Variants in EPHX4 observed in about 807,000 individuals in gnomAD.
EPHX4 encodes the protein epoxide hydrolase 4.
In EPHX4, 31 loss-of-function variants were observed where a neutral mutation model predicts 44.9. The observed-to-expected ratio is 0.69, with a 90% CI of 0.52 to 0.93. The LOEUF (loss-of-function observed/expected upper bound fraction) is 0.93. EPHX4 is among the 40% of genes least tolerant of loss of function. EPHX4 has a pLI of 0.00. For synonymous variants in EPHX4, 151 were observed against 159.7 expected, an observed-to-expected ratio of 0.95 and a Z score of 0.41; for missense variants, 373 against 438.1, an observed-to-expected ratio of 0.85 and a Z score of 1.33.
chr1:92,050,025 G>C (rs1647222234), intron 4 of EPHX4, among the ~76,000 whole-genome samples: 1 of 152,040 alleles, frequency 6.6e-6, no homozygotes, highest in South Asian at 2.1e-4. Context: ...CTTGAACCCA[G>C]GAGGCAGAGG....
At chr1:92,036,606 C>A (rs1688441425) in intron 2 of EPHX4, among the ~76,000 whole-genome samples, 1 of 152,170 alleles carries the variant, frequency 6.6e-6, no homozygotes, top group Admixed American at 6.5e-5. Flanking sequence ...ATGTGAAGAT[C>A]ATAGACAGGC....
chr1:92,061,834 A>C (rs556985676), intron 6 of EPHX4, among the ~76,000 whole-genome samples: 1 of 152,234 alleles, frequency 6.6e-6, no homozygotes, highest in African/African-American at 2.4e-5. Context: ...AAGAATATGC[A>C]TAGAAAATGC....
intron 3 of EPHX4, among the ~76,000 whole-genome samples, chr1:92,045,169 T>TG (rs1039619429): frequency 6.6e-6 from 1 of 151,922 alleles, no homozygotes; most frequent in African/African-American, 2.4e-5. Context: ...GTGTGTGTGT[T>TG]GGGGGGAGGT....
rs189204869 is a variant in EPHX4, at chr1:92,053,527, G to T, written c.857+869G>T. Among the ~76,000 whole-genome samples, 3 of 152,162 alleles carry T rather than the reference G, an allele frequency of 2.0e-5. No homozygotes were observed. In the East Asian group the frequency reaches 5.8e-4, roughly 29 times the overall value. ...GTCATAGTGCAGAGAATGTATTAGAGAATTTTCAGAGTAAATGTGGGAAAA... is the reference window on the plus strand; with the variant it reads ...GTCATAGTGCAGAGAATGTATTAGATAATTTTCAGAGTAAATGTGGGAAAA... On this transcript the variant is annotated intron_variant, in intron 6 of 6. Coordinates refer to ENST00000370383, the MANE Select transcript of EPHX4 (RefSeq NM_173567.5).
At chr1:92,036,230 C>T (rs1033269162) in intron 2 of EPHX4, among the ~76,000 whole-genome samples, 3 of 152,302 alleles carry the variant, frequency 2.0e-5, no homozygotes, top group Non-Finnish European at 2.9e-5. Context: ...CACCTCTTTA[C>T]GTGCAGAACA....
intron 6 of EPHX4, among the ~76,000 whole-genome samples, chr1:92,056,342 A>G (rs1165885701): frequency 6.6e-6 from 1 of 152,168 alleles, no homozygotes; most frequent in Non-Finnish European, 1.5e-5. Context: ...CAAAATTTGG[A>G]ACTGAGGAAC....
chr1:92,030,994 A>G (rs1039523295), intron 1 of EPHX4, among the ~76,000 whole-genome samples: 2 of 152,196 alleles, frequency 1.3e-5, no homozygotes, highest in African/African-American at 4.8e-5. Flanking sequence ...CTGAGGCTCC[A>G]GGTGGTGAAG....
In EPHX4 at chr1:92,030,075, T is replaced by A; in HGVS notation, c.-5T>A. 1 of 1,586,050 alleles carries A rather than the reference T, an allele frequency of 6.3e-7. No individual in the cohort carries two copies. The highest frequency in any genetic ancestry group is 8.6e-7 in the Non-Finnish European group (1 of 1,168,784). ...AAGGGCAGTGGGCCCCGCCGCCGCC[T>A]CCCAATGGCGAGGCTGCGGGATTGC... On this transcript the variant is annotated 5_prime_UTR_variant, in exon 1 of 7. Coordinates refer to ENST00000370383, the MANE Select transcript of EPHX4 (RefSeq NM_173567.5).
chr1:92,032,638 T>C (rs778169303), intron 2 of EPHX4, 48 bp downstream of exon 2: 1 of 1,466,374 alleles, frequency 6.8e-7, no homozygotes, highest in East Asian at 2.3e-5. Flanking sequence ...CTTGGCTTAT[T>C]TTCTCAGTTC....
At chr1:92,046,171 T>A (rs914430226) in intron 4 of EPHX4, among the ~76,000 whole-genome samples, 4 of 152,222 alleles carry the variant, frequency 2.6e-5, no homozygotes, top group Admixed American at 2.6e-4. Flanking sequence ...TATATGTTAA[T>A]TCATCAAAAG....
At chr1:92,034,547 A>G (rs2101865933) in intron 2 of EPHX4, among the ~76,000 whole-genome samples, 1 of 151,866 alleles carries the variant, frequency 6.6e-6, no homozygotes, top group Non-Finnish European at 1.5e-5. Context: ...AGCATTACAG[A>G]TTTCTTACCT....
chr1:92,050,119 A>C (rs548093434), intron 4 of EPHX4, among the ~76,000 whole-genome samples, 198 bp from the exon 5 acceptor site: 2 of 152,220 alleles, frequency 1.3e-5, no homozygotes, highest in East Asian at 3.9e-4. Flanking sequence ...AAAATAAAAA[A>C]AATAATAAAG....
chr1:92,037,036 T>C (rs999939836), intron 2 of EPHX4, among the ~76,000 whole-genome samples: 2 of 152,154 alleles, frequency 1.3e-5, no homozygotes, highest in East Asian at 3.8e-4. Flanking sequence ...CTCTTTTTTA[T>C]TTTTTTCATT....
At chr1:92,032,226 A>T (rs1318801609) in intron 1 of EPHX4, among the ~76,000 whole-genome samples, 1 of 152,204 alleles carries the variant, frequency 6.6e-6, no homozygotes, top group Non-Finnish European at 1.5e-5. Context: ...TACTAGAACA[A>T]GAAGAGAAGG....
In EPHX4 at chr1:92,063,214, G is replaced by A; in HGVS notation, c.1017G>A (p.Gln339=). 1 of 1,614,030 alleles carries A rather than the reference G, an allele frequency of 6.2e-7. No homozygotes were observed. Among genetic ancestry groups the A allele is most frequent in the Non-Finnish European group, 8.5e-7 (1 of 1,179,952 alleles). The change falls in exon 7 of 7, where the codon CAG becomes CAA. Residue 339 remains glutamine, a synonymous_variant. Transcript: ENST00000370383. ...TGTCAGAAGCCAGTCATTGGCTTCA[G>A]CAAGACCAACCTGACATAGTGAACA... ...TILSEASHWL[Q]QDQPDIVNKL...
intron 3 of EPHX4, among the ~76,000 whole-genome samples, chr1:92,044,541 T>C (rs989645388): frequency 1.1e-4 from 16 of 152,232 alleles, no homozygotes; most frequent in African/African-American, 3.4e-4. Flanking sequence ...GGAAATCCTG[T>C]AGGAATCTCT....
chr1:92,052,865 C>T (rs1481328954), intron 6 of EPHX4, among the ~76,000 whole-genome samples: 1 of 152,166 alleles, frequency 6.6e-6, no homozygotes, highest in African/African-American at 2.4e-5. Context: ...CTTCATGTAG[C>T]TGTCACTTGT....
chr1:92,030,376 C>G, intron 1 of EPHX4, 66 bp downstream of exon 1: 3 of 1,366,734 alleles, frequency 2.2e-6, no homozygotes, highest in Non-Finnish European at 2.9e-6. Context: ...TGGGGGGCTC[C>G]GGGCTTCTCC....
intron 6 of EPHX4, among the ~76,000 whole-genome samples, chr1:92,055,698 A>G (rs1557886218): frequency 6.6e-6 from 1 of 152,148 alleles, no homozygotes; most frequent in Non-Finnish European, 1.5e-5. Context: ...TTTTTTACAA[A>G]TAACGTAAAG....
Sources: allele counts gnomAD v4.1 joint callset (sites outside exome capture counted in the v4.1 genomes callset), GRCh38; gene constraint gnomAD v4.1.1; transcripts MANE v1.5; gene names NCBI Gene and HGNC (gene_info 2026-07-23, HGNC 2026-07-21).